Variants in PCYT1A observed in about 807,000 individuals in gnomAD.
PCYT1A encodes phosphate cytidylyltransferase 1A, choline, also known as choline-phosphate cytidylyltransferase A.
PCYT1A carries 25 observed loss-of-function variants against 43.7 expected under a neutral mutation model. The observed-to-expected ratio is 0.57, with a 90% CI of 0.42 to 0.80. The LOEUF (loss-of-function observed/expected upper bound fraction) is 0.80. PCYT1A is among the 30% of genes least tolerant of loss of function. PCYT1A has a pLI of 0.00. For synonymous variants in PCYT1A, 172 were observed against 170.7 expected (o/e 1.01, Z -0.06); for missense variants, 421 against 474.2 (o/e 0.89, Z 1.04).
intron 5 of PCYT1A, among the ~76,000 whole-genome samples, chr3:196,243,726 G>A (rs890930299): frequency 7.9e-5 from 12 of 152,394 alleles, no homozygotes; most frequent in Admixed American, 5.9e-4. Context: ...GGTGGAGACA[G>A]GGTTTTGCTG....
Position 196,273,683 on chromosome 3 carries a change from C to T in PCYT1A, c.-10-3142G>A, listed in dbSNP as rs146146258. Among the ~76,000 whole-genome samples the T allele has an allele frequency of 4.6e-5, 7 of 152,278 alleles. No individual in the cohort carries two copies. The highest frequency in any genetic ancestry group is 1.7e-4 in the African/African-American group (7 of 41,548). ...AGCTCCTATCCGCAGGCAGGTCATC[C>T]CATCAAGTATGGCTGAGTCCAGGGT... is the stretch of plus-strand genomic sequence containing the variant. On this transcript the variant is annotated intron_variant, in intron 1 of 8. Transcript: ENST00000431016. The surrounding 1 kb of genome is among the most constrained non-coding windows in gnomAD (Gnocchi z 4.1).
At chr3:196,266,295 AC>A (rs1210136207) in intron 2 of PCYT1A, among the ~76,000 whole-genome samples, 1 of 150,436 alleles carries the variant, frequency 6.6e-6, no homozygotes, top group African/African-American at 2.4e-5. Context: ...ACACGGTGAA[AC>A]CCCGTCTCTA....
Position 196,270,474 on chromosome 3 carries a change from C to T in PCYT1A, c.58G>A (p.Gly20Arg), listed in dbSNP as rs142952629. The change falls in exon 2 of 9, where the codon GGA becomes AGA. Residue 20 changes from glycine (G) to arginine (R), a missense_variant. Physicochemically the swap from Gly to Arg is moderately radical, Grantham distance 125. This residue lies in a region of PCYT1A where 139 missense variants were observed against 117.7 expected (regional missense o/e 1.18). Coordinates refer to ENST00000431016, the MANE Select transcript of PCYT1A (RefSeq NM_001312673.2). Reference protein sequence around the residue: ...NARKRRKEAPGPNGATEEDGV... With the variant: ...NARKRRKEAPRPNGATEEDGV... ...TCTTCTTCTGTTGCCCCGTTGGGTCCGGGCGCCTCTTTTCTCCTCTTCCTT... is the reference window on the plus strand; with the variant it reads ...TCTTCTTCTGTTGCCCCGTTGGGTCTGGGCGCCTCTTTTCTCCTCTTCCTT... 21 of 1,614,044 alleles carry T rather than the reference C, an allele frequency of 1.3e-5. No homozygotes were observed. The highest frequency in any genetic ancestry group is 6.6e-5 in the South Asian group (6 of 91,088).
At chr3:196,279,826 CTTTTTTTTTTTTT>C (rs397723929) in intron 1 of PCYT1A, among the ~76,000 whole-genome samples, 7 of 50,930 alleles carry the variant, frequency 1.4e-4, no homozygotes, top group Non-Finnish European at 2.3e-4. Context: ...CCAGTCCTTT[CTTTTTTTTTTTTT>C]TTTTTTTTTT....
At chr3:196,244,042 A>C (rs1724462652) in intron 5 of PCYT1A, among the ~76,000 whole-genome samples, 1 of 147,570 alleles carries the variant, frequency 6.8e-6, no homozygotes, top group Non-Finnish European at 1.5e-5. Flanking sequence ...CCAGTCTGGG[A>C]AGTGAGGAGC....
chr3:196,259,162 C>T (rs988378924), intron 2 of PCYT1A, among the ~76,000 whole-genome samples: 8 of 152,196 alleles, frequency 5.3e-5, no homozygotes, highest in African/African-American at 1.9e-4. Flanking sequence ...GGACTACAGG[C>T]ATGCACCACC....
At chr3:196,263,374 T>C (rs1725172238) in intron 2 of PCYT1A, among the ~76,000 whole-genome samples, 1 of 152,016 alleles carries the variant, frequency 6.6e-6, no homozygotes, top group African/African-American at 2.4e-5. Flanking sequence ...CATCACCATA[T>C]CCAGTTAATT....
chr3:196,267,868 T>C (rs534794954), intron 2 of PCYT1A, among the ~76,000 whole-genome samples: 1 of 152,282 alleles, frequency 6.6e-6, no homozygotes, highest in South Asian at 2.1e-4. Flanking sequence ...CTTGCTTGCT[T>C]TTGTTATAGA....
chr3:196,276,683 G>C (rs1725600572), intron 1 of PCYT1A, among the ~76,000 whole-genome samples: 2 of 151,874 alleles, frequency 1.3e-5, no homozygotes, highest in African/African-American at 2.4e-5. Flanking sequence ...AACACACACA[G>C]AGCTCCACCT....
intron 5 of PCYT1A, among the ~76,000 whole-genome samples, chr3:196,244,719 T>C (rs1022896235): frequency 6.6e-6 from 1 of 152,234 alleles, no homozygotes; most frequent in Non-Finnish European, 1.5e-5. Flanking sequence ...GAAGTAGACA[T>C]GGGAGACTCA....
rs115537150 is a variant in PCYT1A at position 196,263,475 on chromosome 3, C to T, written c.118-5588G>A. ...TGGCCTCAAGGGATCCTTCCACCTCCCAAGGCGCTTGGATTTTAGGCATGA... is the reference window on the plus strand; with the variant it reads ...TGGCCTCAAGGGATCCTTCCACCTCTCAAGGCGCTTGGATTTTAGGCATGA... On this transcript the variant is annotated intron_variant, in intron 2 of 8. Coordinates refer to ENST00000431016, the MANE Select transcript of PCYT1A (RefSeq NM_001312673.2). 8.4e-3 allele frequency among the ~76,000 whole-genome samples: 1,282 copies of T among 152,238 alleles called. 14 individuals carry two copies. Among genetic ancestry groups the T allele is most frequent in the African/African-American group, 0.03 (1,236 of 41,532 alleles).
intron 1 of PCYT1A, among the ~76,000 whole-genome samples, chr3:196,275,694 C>G (rs1222572332): frequency 6.6e-6 from 1 of 151,504 alleles, no homozygotes; most frequent in Non-Finnish European, 1.5e-5. Context: ...GATCGCACCA[C>G]TGCACTCCAG....
intron 1 of PCYT1A, among the ~76,000 whole-genome samples, chr3:196,278,751 G>A (rs202160241): frequency 2.6e-5 from 4 of 152,130 alleles, no homozygotes; most frequent in Admixed American, 6.6e-5. Context: ...AGACCAAGGC[G>A]GATGGATTGC....
intron 1 of PCYT1A, chr3:196,287,095 T>C (rs1412975069): frequency 6.6e-6 from 1 of 152,172 alleles, no homozygotes; most frequent in Admixed American, 6.5e-5. Context: ...CCTGTTAAGT[T>C]CCAGACCAGT....
In PCYT1A at chr3:196,275,023, G is replaced by A. The variant is rs552932331; in HGVS notation, c.-10-4482C>T. Among the ~76,000 whole-genome samples the A allele has an allele frequency of 1.8e-4, 27 of 152,320 alleles. No individual in the cohort carries two copies. In the South Asian group the frequency reaches 5.6e-3, roughly 32 times the overall value. On this transcript the variant is annotated intron_variant, in intron 1 of 8. Transcript: ENST00000431016. The stretch of plus-strand genomic sequence containing the variant: ...CAATACTCTCATCTCAGTGGTCTGA[G>A]TGAACTACTCAAAATGCCTAATCCA...
At chr3:196,270,346 A>G in intron 2 of PCYT1A, 69 bp downstream of exon 2, 1 of 929,006 alleles carries the variant, frequency 1.1e-6, no homozygotes, top group Non-Finnish European at 1.8e-6. Context: ...TTCAGAAGAC[A>G]TGTAACACTG....
At chr3:196,275,250 G>T (rs1037553094) in intron 1 of PCYT1A, among the ~76,000 whole-genome samples, 9 of 152,126 alleles carry the variant, frequency 5.9e-5, no homozygotes, top group Non-Finnish European at 1.0e-4. Context: ...AGTACAAACT[G>T]AACCTGGAGG....
Position 196,236,823 on chromosome 3 carries a change from C to G in PCYT1A, c.*1865G>C, listed in dbSNP as rs562526818. ...CTGGGATTACAGGTGCCCACCACCA[C>G]GCCTGGCTAATTTTTGTATTTTTAG... On this transcript the variant is annotated 3_prime_UTR_variant, in exon 9 of 9. Coordinates refer to ENST00000431016, the MANE Select transcript of PCYT1A (RefSeq NM_001312673.2). 1 of 152,298 alleles carries G rather than the reference C, an allele frequency of 6.6e-6. No individual in the cohort carries two copies. The highest frequency in any genetic ancestry group is 1.9e-4 in the East Asian group (1 of 5,182). 9.4% of individuals were successfully genotyped at this position (152,298 alleles called of 1,614,324 possible). A position where few individuals can be genotyped will look rare whatever the true frequency, so the allele number is the denominator to read the frequency against.
At position 196,268,207 on chromosome 3, in the gene PCYT1A, C is replaced by T. The variant is rs1221340091; in HGVS notation, c.117+2208G>A. On this transcript the variant is annotated intron_variant, in intron 2 of 8. Transcript: ENST00000431016. The surrounding 1 kb of genome is among the most constrained non-coding windows in gnomAD (Gnocchi z 4.4). ...CTCATTCCACTGAAAAGACTGGCTTCCTTTGCTTTATTCCTAGCTACAGTG... is the reference window on the plus strand; with the variant it reads ...CTCATTCCACTGAAAAGACTGGCTTTCTTTGCTTTATTCCTAGCTACAGTG... 6.6e-6 allele frequency among the ~76,000 whole-genome samples: 1 copy of T among 152,044 alleles called. No homozygotes were observed. Among genetic ancestry groups the T allele is most frequent in the African/African-American group, 2.4e-5 (1 of 41,410 alleles).
Sources: allele counts gnomAD v4.1 joint callset (sites outside exome capture counted in the v4.1 genomes callset), GRCh38; gene constraint gnomAD v4.1.1; regional missense constraint gnomAD v4.1.1; non-coding constraint Gnocchi (gnomAD v3.1); transcripts MANE v1.5; gene names NCBI Gene and HGNC (gene_info 2026-07-23, HGNC 2026-07-21).